TPMT: variants seen among roughly 807,000 people sequenced by gnomAD.
The protein encoded by TPMT is S-adenosyl-L-methionine:thiopurine S-methyltransferase.
In TPMT, 18 loss-of-function variants were observed where a neutral mutation model predicts 34.2. That is an observed-to-expected ratio of 0.53 (90% CI 0.36 to 0.78). TPMT has a LOEUF of 0.78. Among genes scored for constraint, TPMT ranks in the 30% least tolerant of loss-of-function variants. The probability of loss-of-function intolerance (pLI) is 0.00; values close to 1 mark genes in which losing one functional copy is unlikely to be tolerated. For synonymous variants in TPMT, 69 were observed against 92.4 expected (o/e 0.75, Z 1.45); for missense variants, 265 against 288.1 (o/e 0.92, Z 0.58).
Position 18,149,021 on chromosome 6 carries a change from C to A in TPMT, c.107G>T (p.Gly36Val). ...LEEWQDKWVN[G>V]KTAFHQEQGH... ...TTGTTCCTGATGAAAAGCAGTCTTG[C>A]CGTTCACCCACTTGTCTTGCCATTC... The change falls in exon 2 of 9, where the codon GGC becomes GTC. Residue 36 changes from glycine to valine, a missense_variant. Transcript: ENST00000309983. The surrounding 1 kb of genome is among the most constrained non-coding windows in gnomAD (Gnocchi z 5.0). 1 of 1,614,014 alleles carries A rather than the reference C, an allele frequency of 6.2e-7. No individual in the cohort carries two copies. The highest frequency in any genetic ancestry group is 8.5e-7 in the Non-Finnish European group (1 of 1,179,978).
At position 18,130,441 on chromosome 6, in the gene TPMT, A is replaced by G. The variant is rs759238277; in HGVS notation, c.*227T>C. 8.3e-6 allele frequency: 4 copies of G among 484,682 alleles called. No individual in the cohort carries two copies. The highest frequency in any genetic ancestry group is 1.9e-5 in the African/African-American group (1 of 51,408). 30.0% of individuals were successfully genotyped at this position (484,682 alleles called of 1,614,324 possible). On this transcript the variant is annotated 3_prime_UTR_variant, in exon 9 of 9. Transcript: ENST00000309983. The surrounding 1 kb of genome is among the most constrained non-coding windows in gnomAD (Gnocchi z 4.2). ...ACACATAGGCATAATCTTTCACATC[A>G]TAATCTCCTCTCCAAAGGAGCTACT...
Position 18,138,197 on chromosome 6 carries a change from T to C in TPMT, c.494+766A>G, listed in dbSNP as rs927449467. ...TTTGACCTCAGTTTCCTCATCTGTATAATGGAATAGTAGCTTATACCTTAC... is the reference window on the plus strand; with the variant it reads ...TTTGACCTCAGTTTCCTCATCTGTACAATGGAATAGTAGCTTATACCTTAC... On this transcript the variant is annotated intron_variant, in intron 6 of 8. Transcript: ENST00000309983. The surrounding 1 kb of genome is among the most constrained non-coding windows in gnomAD (Gnocchi z 4.1). 6.6e-6 allele frequency among the ~76,000 whole-genome samples: 1 copy of C among 152,160 alleles called. No individual in the cohort carries two copies. The highest frequency in any genetic ancestry group is 1.5e-5 in the Non-Finnish European group (1 of 68,030).
rs1490809937 is a variant in TPMT, at chr6:18,149,209, C to T, written c.-44-38G>A. 7.8e-6 allele frequency: 12 copies of T among 1,542,682 alleles called. No homozygotes were observed. The highest frequency in any genetic ancestry group is 1.1e-5 in the Non-Finnish European group (12 of 1,118,882). On this transcript the variant is annotated intron_variant, in intron 1 of 8. Coordinates refer to ENST00000309983, the MANE Select transcript of TPMT (RefSeq NM_000367.5). This position sits in a 1 kb window ranked among gnomAD's most constrained non-coding sequence, Gnocchi z 5.0. ...TATTTGCAATGTTGTCATTTAAGGTCATTGGAATTCTATTGATGAACTAAA... is the reference window on the plus strand; with the variant it reads ...TATTTGCAATGTTGTCATTTAAGGTTATTGGAATTCTATTGATGAACTAAA...
Position 18,147,893 on chromosome 6 carries a change from T to G in TPMT, c.163A>C (p.Thr55Pro), listed in dbSNP as rs759043462. 1 of 1,613,728 alleles carries G rather than the reference T, an allele frequency of 6.2e-7. No homozygotes were observed. The highest frequency in any genetic ancestry group is 8.5e-7 in the Non-Finnish European group (1 of 1,179,864). Residue 55 changes from threonine to proline, a missense_variant, in exon 3 of 9, where the codon ACT becomes CCT. By Grantham distance (38) the Thr-to-Pro change is conservative. Coordinates refer to ENST00000309983, the MANE Select transcript of TPMT (RefSeq NM_000367.5). Reference protein sequence around the residue: ...GHQLLKKHLDTFLKGKSGLRV... With the variant: ...GHQLLKKHLDPFLKGKSGLRV... ...AGTCCACTCTTGCCTTTAAGGAAAG[T>G]ATCTAAATGCTTCTTTAATAGCCTG...
At position 18,148,012 on chromosome 6, in the gene TPMT, G is replaced by A; in HGVS notation, c.141-97C>T. 1 of 950,022 alleles carries A rather than the reference G, an allele frequency of 1.1e-6. No individual in the cohort carries two copies. Among genetic ancestry groups the A allele is most frequent in the Non-Finnish European group, 1.7e-6 (1 of 594,692 alleles). 58.8% of individuals were successfully genotyped at this position (950,022 alleles called of 1,614,324 possible). On this transcript the variant is annotated intron_variant, in intron 2 of 8. Coordinates refer to ENST00000309983, the MANE Select transcript of TPMT (RefSeq NM_000367.5). This position sits in a 1 kb window ranked among gnomAD's most constrained non-coding sequence, Gnocchi z 4.1. ...TTAATATTCCCAACAACCTTAATAA[G>A]CAGTTACTATTAATTATTATAATCT...
intron 1 of TPMT, among the ~76,000 whole-genome samples, chr6:18,151,572 A>AGATTGATT (rs200164729): frequency 1.5e-3 from 206 of 141,578 alleles, no homozygotes; most frequent in South Asian, 2.5e-3. Flanking sequence ...TTGGAAACCT[A>AGATTGATT]GATTTATTTA....
rs1226497147 is a variant in TPMT, at chr6:18,153,597, C to G, written c.-45+1436G>C. On this transcript the variant is annotated intron_variant, in intron 1 of 8. Coordinates refer to ENST00000309983, the MANE Select transcript of TPMT (RefSeq NM_000367.5). This position sits in a 1 kb window ranked among gnomAD's most constrained non-coding sequence, Gnocchi z 4.2. Reference sequence around the variant, plus strand: ...AGGCATTTCTCTCATTACCTGGGAACATGAATTCACTTCTTAGCAAATATT... The same window carrying G: ...AGGCATTTCTCTCATTACCTGGGAAGATGAATTCACTTCTTAGCAAATATT... Among the ~76,000 whole-genome samples, 1 of 152,170 alleles carries G rather than the reference C, an allele frequency of 6.6e-6. No individual in the cohort carries two copies. Among genetic ancestry groups the G allele is most frequent in the Non-Finnish European group, 1.5e-5 (1 of 68,032 alleles).
At chr6:18,147,969 T>C (rs576936804) in intron 2 of TPMT, 54 bp from the exon 3 acceptor site, 2 of 1,307,680 alleles carry the variant, frequency 1.5e-6, no homozygotes, top group South Asian at 1.2e-5. Flanking sequence ...GGTGAACACT[T>C]TTCATTCATT....
At position 18,153,032 on chromosome 6, in the gene TPMT, C is replaced by G. The variant is rs548225451; in HGVS notation, c.-45+2001G>C. ...CACCGCCATTTTTTGTGCATGGTACCCATGAAGCTCAATTACTCATGGGTA... is the reference window on the plus strand; with the variant it reads ...CACCGCCATTTTTTGTGCATGGTACGCATGAAGCTCAATTACTCATGGGTA... On this transcript the variant is annotated intron_variant, in intron 1 of 8. Transcript: ENST00000309983. The surrounding 1 kb of genome is among the most constrained non-coding windows in gnomAD (Gnocchi z 4.2). 6.6e-6 allele frequency among the ~76,000 whole-genome samples: 1 copy of G among 152,152 alleles called. No homozygotes were observed. The highest frequency in any genetic ancestry group is 2.4e-5 in the African/African-American group (1 of 41,416).
chr6:18,142,461 C>G (rs919708360), intron 4 of TPMT, among the ~76,000 whole-genome samples: 20 of 152,080 alleles, frequency 1.3e-4, no homozygotes, highest in African/African-American at 3.9e-4. Flanking sequence ...TTCCTAGTTG[C>G]CCACCTCCAG....
At position 18,149,175 on chromosome 6, in the gene TPMT, C is replaced by A. The variant is rs202034437; in HGVS notation, c.-44-4G>T. The A allele has an allele frequency of 5.6e-5, 90 of 1,612,560 alleles. No homozygotes were observed. The highest frequency in any genetic ancestry group is 3.1e-5 in the Non-Finnish European group (36 of 1,179,568). On this transcript the variant is annotated splice_region_variant and splice_polypyrimidine_tract_variant and intron_variant, in intron 1 of 8. Transcript: ENST00000309983. This position sits in a 1 kb window ranked among gnomAD's most constrained non-coding sequence, Gnocchi z 5.0. Reference sequence around the variant, plus strand: ...CACAAGCATATGTCTTCCGTGCCTACGTGGAAAATATTTGCAATGTTGTCA... The same window carrying A: ...CACAAGCATATGTCTTCCGTGCCTAAGTGGAAAATATTTGCAATGTTGTCA...
chr6:18,153,543 G>T lies in TPMT; in HGVS notation c.-45+1490C>A, dbSNP rs1784394873. On this transcript the variant is annotated intron_variant, in intron 1 of 8. Transcript: ENST00000309983. The surrounding 1 kb of genome is among the most constrained non-coding windows in gnomAD (Gnocchi z 4.2). ...AATTTCCCCTTTTGTTGCCAAATTT[G>T]GCCTCAGTATGCTTAGGATATAGGG... 1.3e-5 allele frequency among the ~76,000 whole-genome samples: 2 copies of T among 152,054 alleles called. No homozygotes were observed. The highest frequency in any genetic ancestry group is 4.8e-5 in the African/African-American group (2 of 41,384).
intron 3 of TPMT, among the ~76,000 whole-genome samples, chr6:18,144,580 T>C (rs1204806336): frequency 6.6e-6 from 1 of 151,910 alleles, no homozygotes; most frequent in Non-Finnish European, 1.5e-5. Flanking sequence ...GGTTTCACCA[T>C]GTTGGCCAGG....
At position 18,129,199 on chromosome 6, in the gene TPMT, T is replaced by G. The variant is rs1037390726; in HGVS notation, c.*1469A>C. ...GGCTTCTGAAGCCCACAGTATCGAC[T>G]GGGAGCAGGTCTCAGAGAAGCAAGA... On this transcript the variant is annotated 3_prime_UTR_variant, in exon 9 of 9. Transcript: ENST00000309983. 1.3e-5 allele frequency: 2 copies of G among 152,360 alleles called. No homozygotes were observed. Among genetic ancestry groups the G allele is most frequent in the Non-Finnish European group, 2.9e-5 (2 of 68,048 alleles). The allele number at this position is 152,360 out of a possible 1,614,324, so 9.4% of individuals were successfully genotyped here. A position where few individuals can be genotyped will look rare whatever the true frequency, so the allele number is the denominator to read the frequency against.
Position 18,146,991 on chromosome 6 carries a change from T to C in TPMT, c.233+832A>G, listed in dbSNP as rs186332303. On this transcript the variant is annotated intron_variant, in intron 3 of 8. Transcript: ENST00000309983. This position sits in a 1 kb window ranked among gnomAD's most constrained non-coding sequence, Gnocchi z 6.2. Reference sequence around the variant, plus strand: ...AATTTATTTTTTGAGGCAGGGTCTATGTTGTCCAGACTGGTCTCAAATTCC... The same window carrying C: ...AATTTATTTTTTGAGGCAGGGTCTACGTTGTCCAGACTGGTCTCAAATTCC... 2.5e-3 allele frequency among the ~76,000 whole-genome samples: 375 copies of C among 152,352 alleles called. 1 individual carries two copies. Among genetic ancestry groups the C allele is most frequent in the African/African-American group, 8.5e-3 (353 of 41,584 alleles).
intron 4 of TPMT, among the ~76,000 whole-genome samples, chr6:18,142,058 A>G (rs2518464): frequency 0.58 from 88,536 of 151,862 alleles, 26,355 homozygotes; most frequent in African/African-American, 0.7. Flanking sequence ...ACACTTGATC[A>G]AACCAATCTG....
At position 18,143,715 on chromosome 6, in the gene TPMT, C is replaced by T; in HGVS notation, c.247G>A (p.Gly83Arg). The T allele has an allele frequency of 1.2e-6, 2 of 1,613,970 alleles. No homozygotes were observed. Among genetic ancestry groups the T allele is most frequent in the Non-Finnish European group, 1.7e-6 (2 of 1,179,976 alleles). ...ATTTCCACACCAACTACACTGTGTC[C>T]CCGGTCTGCAAACCTGCATAAAATC... ...AVEMKWFADRGHSVVGVEISE... is the reference protein window; with the variant it reads ...AVEMKWFADRRHSVVGVEISE... Residue 83 changes from glycine to arginine, a missense_variant, in exon 4 of 9, where the codon GGA (glycine) becomes AGA (arginine). Coordinates refer to ENST00000309983, the MANE Select transcript of TPMT (RefSeq NM_000367.5). The surrounding 1 kb of genome is among the most constrained non-coding windows in gnomAD (Gnocchi z 6.1).
At chr6:18,134,651 CCAAT>C (rs954050687) in intron 6 of TPMT, among the ~76,000 whole-genome samples, 8 of 152,118 alleles carry the variant, frequency 5.3e-5, no homozygotes, top group Non-Finnish European at 8.8e-5. Flanking sequence ...GATGAGTTGA[CCAAT>C]CAGATGACTG....
At chr6:18,152,281 T>C (rs1784366664) in intron 1 of TPMT, among the ~76,000 whole-genome samples, 1 of 152,196 alleles carries the variant, frequency 6.6e-6, no homozygotes, top group African/African-American at 2.4e-5. Context: ...CACTTGTCCA[T>C]TTGCCTTTCC....
Sources: gnomAD v4.1 joint callset for allele counts (sites outside exome capture counted in the v4.1 genomes callset) on GRCh38, gnomAD v4.1.1 for gene constraint, Gnocchi (gnomAD v3.1) non-coding constraint, MANE v1.5 for transcripts, NCBI Gene and HGNC (gene_info 2026-07-23, HGNC 2026-07-21) for gene names.